MICAL3: variants seen among roughly 807,000 people sequenced by gnomAD.
MICAL3 encodes the protein microtubule associated monooxygenase, calponin and LIM domain containing 3.
Under a neutral mutation model 207.4 loss-of-function variants are expected in MICAL3, and 62 were observed. That is an observed-to-expected ratio of 0.30 (90% CI 0.24 to 0.37). MICAL3 has a LOEUF of 0.37. Ranked by LOEUF, MICAL3 falls within the 10% of genes least tolerant of loss-of-function variation. MICAL3 has a pLI of 1.00. For missense variants in MICAL3, 2,368 were observed against 2,635.6 expected (o/e 0.90, Z 2.22); for synonymous variants, 1,077 against 1,069.3 (o/e 1.01, Z -0.14).
chr22:17,808,838 C>T lies in MICAL3; in HGVS notation c.5650+6G>A, dbSNP rs1419299389. The T allele has an allele frequency of 6.4e-7, 1 of 1,551,670 alleles. No homozygotes were observed. Among genetic ancestry groups the T allele is most frequent in the Non-Finnish European group, 8.7e-7 (1 of 1,147,200 alleles). ...GAGCAGAGCTTAGGAGGGAGCCCGG[C>T]AGTACCTGCTTCGCCCCGGAGCGCC... is the stretch of plus-strand genomic sequence containing the variant. On this transcript the variant is annotated splice_donor_region_variant and intron_variant, in intron 29 of 31. Transcript: ENST00000441493.
chr22:17,917,132 C>T (rs1292494932), intron 1 of MICAL3, among the ~76,000 whole-genome samples: 1 of 151,818 alleles, frequency 6.6e-6, no homozygotes, highest in Non-Finnish European at 1.5e-5. Flanking sequence ...CTGGAGGATC[C>T]TCCCTCCCGT....
At chr22:17,901,851 G>A in intron 5 of MICAL3, 27 bp downstream of exon 5, 1 of 1,557,338 alleles carries the variant, frequency 6.4e-7, no homozygotes. Flanking sequence ...TCTGCTATGA[G>A]CCAGGCAGAG....
Position 17,895,285 on chromosome 22 carries a change from T to G in MICAL3, c.1448A>C (p.Gln483Pro), listed in dbSNP as rs1403994124. 1 of 1,613,516 alleles carries G rather than the reference T, an allele frequency of 6.2e-7. No homozygotes were observed. Among genetic ancestry groups the G allele is most frequent in the Non-Finnish European group, 8.5e-7 (1 of 1,179,686 alleles). Residue 483 changes from glutamine (Q) to proline (P), a missense_variant and splice_region_variant, in exon 10 of 32, where the codon CAG (glutamine) becomes CCG (proline). Gln to Pro is a moderately conservative substitution (Grantham distance 76). Transcript: ENST00000441493. ...NINVNFLRPS[Q>P]VRHLYDTGET... ...TAAATACTGACAAGAAGGTCTTACC[T>G]GGCTTGGCCGGAGGAAGTTGACGTT...
chr22:17,897,057 G>A (rs906499864), intron 7 of MICAL3, 76 bp from the exon 8 acceptor site: 2 of 1,466,874 alleles, frequency 1.4e-6, no homozygotes, highest in African/African-American at 1.4e-5. Context: ...ACAACCCAGG[G>A]CCACAGCTTC....
intron 1 of MICAL3, among the ~76,000 whole-genome samples, chr22:17,943,529 A>C (rs896504229): frequency 9.6e-4 from 147 of 152,366 alleles, no homozygotes; most frequent in Non-Finnish European, 4.8e-4. Flanking sequence ...CAGTGAAAAA[A>C]GTATTGTTGC....
chr22:17,887,543 T>A, intron 13 of MICAL3, 108 bp from the exon 14 acceptor site: 1 of 669,298 alleles, frequency 1.5e-6, no homozygotes. Context: ...CAGAAGGCTC[T>A]AAAGGTTCAC....
At chr22:17,834,245 G>T (rs1923119556) in intron 20 of MICAL3, 9 of 1,088,514 alleles carry the variant, frequency 8.3e-6, no homozygotes, top group South Asian at 6.4e-5. Flanking sequence ...CATTCACTCG[G>T]TGAACATTTC....
intron 1 of MICAL3, among the ~76,000 whole-genome samples, chr22:18,003,105 AG>A (rs1923150072): frequency 6.6e-6 from 1 of 151,296 alleles, no homozygotes; most frequent in African/African-American, 2.4e-5. Flanking sequence ...GCTTTCAGTG[AG>A]CCAAGATTGC....
At chr22:17,802,564 G>C (rs1569070606) in intron 29 of MICAL3, among the ~76,000 whole-genome samples, 1 of 152,164 alleles carries the variant, frequency 6.6e-6, no homozygotes, top group South Asian at 2.1e-4. Flanking sequence ...GGGTCCGTGG[G>C]AGCGTGGGAC....
chr22:17,791,287 CCTT>C lies in MICAL3; in HGVS notation c.5662_5664del (p.Lys1888del), dbSNP rs779086284. The C allele has an allele frequency of 4.3e-6, 7 of 1,613,526 alleles. No individual in the cohort carries two copies. The highest frequency in any genetic ancestry group is 1.1e-5 in the South Asian group (1 of 90,968). ...CACTCCTGCATCAGCTTGGGGTCGT[CCTT>C]CTTGCCCATGCCTGCCGAGAGAACG... On this transcript the variant is annotated inframe_deletion, in exon 30 of 32. Coordinates refer to ENST00000441493, the MANE Select transcript of MICAL3 (RefSeq NM_015241.3).
At chr22:17,822,286 C>G (rs1921728420) in intron 23 of MICAL3, 116 bp from the exon 24 acceptor site, 12 of 1,307,288 alleles carry the variant, frequency 9.2e-6, no homozygotes, top group Admixed American at 2.5e-5. Flanking sequence ...AGGTGCAGGC[C>G]TGGAGGCCCT....
intron 27 of MICAL3, chr22:17,812,430 A>C: frequency 1.3e-6 from 1 of 752,280 alleles, no homozygotes; most frequent in African/African-American, 1.9e-5. Context: ...ATGTGGCTGG[A>C]GGGCCGGGGC....
At chr22:18,015,424 T>G (rs1923994311) in intron 1 of MICAL3, among the ~76,000 whole-genome samples, 1 of 78,376 alleles carries the variant, frequency 1.3e-5, no homozygotes, top group Non-Finnish European at 3.3e-5. Context: ...AGACTCATCT[T>G]TTTTTTTTTT....
intron 16 of MICAL3, chr22:17,872,918 A>G (rs1927871298): frequency 9.4e-7 from 1 of 1,067,392 alleles, no homozygotes; most frequent in South Asian, 1.3e-5. Context: ...AAATACATAA[A>G]TTAAGAAGAC....
intron 1 of MICAL3, among the ~76,000 whole-genome samples, chr22:17,980,343 T>C (rs548665179): frequency 3.2e-4 from 48 of 152,184 alleles, no homozygotes; most frequent in Non-Finnish European, 6.2e-4. Flanking sequence ...CAAAAGGAAA[T>C]TGCTGCAAAC....
intron 17 of MICAL3, among the ~76,000 whole-genome samples, chr22:17,871,570 G>C (rs566346129): frequency 2.6e-5 from 4 of 152,370 alleles, no homozygotes; most frequent in East Asian, 1.9e-4. Flanking sequence ...CCCGAGGTCA[G>C]AAAGCAAGTA....
chr22:17,800,842 T>C (rs1273753239), intron 29 of MICAL3, among the ~76,000 whole-genome samples: 12 of 152,168 alleles, frequency 7.9e-5, no homozygotes, highest in Admixed American at 7.9e-4. Context: ...TAACGAATAT[T>C]ACTAAGTGCT....
Position 17,886,023 on chromosome 22 carries a change from T to C in MICAL3, c.2096A>G (p.Glu699Gly). ...EEEAPRGHRG[E>G]RPTLVSTLTD... Reference sequence around the variant, plus strand: ...CAGAGTGCTCACCAGGGTCGGTCTTTCTCCTCTGTGGCCCCGAGGAGCTTC... The same window carrying C: ...CAGAGTGCTCACCAGGGTCGGTCTTCCTCCTCTGTGGCCCCGAGGAGCTTC... The change falls in exon 16 of 32, where the codon GAA becomes GGA. Residue 699 changes from glutamate (E) to glycine (G), a missense_variant. By Grantham distance (98) the Glu-to-Gly change is moderately conservative (BLOSUM62 -2). Transcript: ENST00000441493. 6.2e-7 allele frequency: 1 copy of C among 1,613,980 alleles called. No homozygotes were observed. The highest frequency in any genetic ancestry group is 8.5e-7 in the Non-Finnish European group (1 of 1,179,898).
At chr22:17,875,449 G>A in intron 16 of MICAL3, 4 of 1,556,062 alleles carry the variant, frequency 2.6e-6, no homozygotes, top group Non-Finnish European at 3.5e-6. Context: ...CATGCTACCT[G>A]TCGGAGGGAG....
Sources: allele counts gnomAD v4.1 joint callset (sites outside exome capture counted in the v4.1 genomes callset), GRCh38; gene constraint gnomAD v4.1.1; transcripts MANE v1.5; gene names NCBI Gene and HGNC (gene_info 2026-07-23, HGNC 2026-07-21).